Variants in FHOD3 observed in about 807,000 individuals in gnomAD.
FHOD3 encodes the protein formin homology 2 domain containing 3, also known as FH1/FH2 domain-containing protein 3.
In FHOD3, 90 loss-of-function variants were observed where a neutral mutation model predicts 173.0. The ratio of observed to expected loss-of-function variants is 0.52; its 90% CI spans 0.44 to 0.62. The LOEUF (loss-of-function observed/expected upper bound fraction) is 0.62. Among genes scored for constraint, FHOD3 ranks in the 20% least tolerant of loss-of-function variants. FHOD3 has a pLI of 0.00. For synonymous variants in FHOD3, 828 were observed against 823.0 expected, an observed-to-expected ratio of 1.01 and a Z score of -0.10; for missense variants, 1,945 against 2,034.7, an observed-to-expected ratio of 0.96 and a Z score of 0.85.
intron 1 of FHOD3, among the ~76,000 whole-genome samples, chr18:36,303,986 G>C (rs2092024357): frequency 6.6e-6 from 1 of 152,144 alleles, no homozygotes; most frequent in African/African-American, 2.4e-5. Flanking sequence ...AATCCAGATT[G>C]TGAGAAATTA....
intron 5 of FHOD3, among the ~76,000 whole-genome samples, chr18:36,539,895 A>G (rs2147075357): frequency 6.6e-6 from 1 of 152,310 alleles, no homozygotes; most frequent in East Asian, 1.9e-4. Flanking sequence ...ATAGGGGAGT[A>G]GCTTGAGGAA....
chr18:36,720,145 T>A (rs935124428), intron 19 of FHOD3, among the ~76,000 whole-genome samples: 3 of 151,924 alleles, frequency 2.0e-5, no homozygotes, highest in African/African-American at 7.3e-5. Flanking sequence ...AAGAAAGGGT[T>A]GCCAGACACC....
intron 3 of FHOD3, among the ~76,000 whole-genome samples, chr18:36,489,006 C>T (rs1207763273): frequency 6.6e-6 from 1 of 152,158 alleles, no homozygotes; most frequent in Non-Finnish European, 1.5e-5. Flanking sequence ...CAGAGGCCAA[C>T]ACTAGGTCAG....
intron 17 of FHOD3, 136 bp from the exon 18 acceptor site, chr18:36,708,959 C>A: frequency 9.4e-7 from 1 of 1,065,078 alleles, no homozygotes; most frequent in Non-Finnish European, 1.4e-6. Flanking sequence ...TTTGAATAAC[C>A]AGGGCATAGG....
intron 1 of FHOD3, among the ~76,000 whole-genome samples, chr18:36,340,289 G>A (rs1015364045): frequency 3.9e-5 from 6 of 152,210 alleles, no homozygotes; most frequent in Non-Finnish European, 8.8e-5. Flanking sequence ...TAGCCACCTA[G>A]GAGTGATTTG....
intron 3 of FHOD3, among the ~76,000 whole-genome samples, chr18:36,424,798 G>A (rs926552640): frequency 2.6e-5 from 4 of 152,176 alleles, no homozygotes; most frequent in Admixed American, 6.5e-5. Flanking sequence ...GTTCTGAGTA[G>A]CATGATGAAA....
At chr18:36,589,698 G>A (rs935720834) in intron 6 of FHOD3, among the ~76,000 whole-genome samples, 1 of 152,184 alleles carries the variant, frequency 6.6e-6, no homozygotes, top group Non-Finnish European at 1.5e-5. Context: ...AAGTGGCCGT[G>A]CAGAGCCTCC....
chr18:36,451,137 A>G (rs2144300859), intron 3 of FHOD3, among the ~76,000 whole-genome samples: 1 of 152,354 alleles, frequency 6.6e-6, no homozygotes, highest in Non-Finnish European at 1.5e-5. Context: ...TTACTCCCAG[A>G]GAAAATAGAT....
chr18:36,366,341 G>T (rs1033327989), intron 2 of FHOD3, among the ~76,000 whole-genome samples: 8 of 152,090 alleles, frequency 5.3e-5, no homozygotes, highest in African/African-American at 1.9e-4. Flanking sequence ...CAGACATTAA[G>T]ACAAATGGAA....
chr18:36,712,318 G>A (rs76212203), intron 18 of FHOD3, among the ~76,000 whole-genome samples: 3,356 of 152,292 alleles, frequency 0.022, 72 homozygotes, highest in East Asian at 0.077. Context: ...ATTATGTGAC[G>A]GGGATTTTGA....
At chr18:36,665,889 G>A (rs1335685303) in intron 14 of FHOD3, among the ~76,000 whole-genome samples, 1 of 152,218 alleles carries the variant, frequency 6.6e-6, no homozygotes, top group Non-Finnish European at 1.5e-5. Flanking sequence ...AAGCCAAACA[G>A]GTGGACTTGG....
At chr18:36,709,546 G>A in intron 18 of FHOD3, 155 bp downstream of exon 18, 1 of 810,286 alleles carries the variant, frequency 1.2e-6, no homozygotes, top group South Asian at 1.9e-5. Flanking sequence ...GACAAGGAGT[G>A]TGGCCACGCT....
intron 16 of FHOD3, among the ~76,000 whole-genome samples, chr18:36,688,068 G>A (rs989120579): frequency 2.6e-5 from 4 of 152,256 alleles, no homozygotes; most frequent in Non-Finnish European, 5.9e-5. Context: ...TATTTCAATG[G>A]CAACATGCTT....
chr18:36,629,840 G>A (rs1296562550), intron 10 of FHOD3, among the ~76,000 whole-genome samples: 3 of 152,024 alleles, frequency 2.0e-5, no homozygotes, highest in Non-Finnish European at 2.9e-5. Flanking sequence ...TGGTCCCTTC[G>A]GGCAGTGGTT....
intron 28 of FHOD3, among the ~76,000 whole-genome samples, chr18:36,771,268 C>T (rs945146306): frequency 1.1e-4 from 16 of 152,080 alleles, no homozygotes; most frequent in South Asian, 2.1e-4. Context: ...TGGACAGCAC[C>T]GGGGCATGAG....
chr18:36,739,809 C>T (rs1161125281), intron 20 of FHOD3, among the ~76,000 whole-genome samples: 3 of 152,164 alleles, frequency 2.0e-5, no homozygotes, highest in Admixed American at 6.5e-5. Flanking sequence ...GACCCTATAT[C>T]ATACAACATT....
chr18:36,366,489 A>G (rs8182433), intron 2 of FHOD3, among the ~76,000 whole-genome samples: 56,883 of 152,084 alleles, frequency 0.37, 11,330 homozygotes, highest in East Asian at 0.67. Context: ...CCCTCAGGAG[A>G]AGGTAGACAT....
intron 10 of FHOD3, among the ~76,000 whole-genome samples, chr18:36,629,643 T>G (rs1168015369): frequency 6.6e-6 from 1 of 152,162 alleles, no homozygotes; most frequent in South Asian, 2.1e-4. Context: ...AAAGGAATAT[T>G]CCATGAAGAG....
chr18:36,540,735 G>T (rs551187351), intron 5 of FHOD3, among the ~76,000 whole-genome samples: 19 of 152,130 alleles, frequency 1.2e-4, no homozygotes, highest in Non-Finnish European at 2.5e-4. Flanking sequence ...GAAGGTGGAA[G>T]TCCCTTATAC....
Sources: allele counts gnomAD v4.1 joint callset (sites outside exome capture counted in the v4.1 genomes callset), GRCh38; gene constraint gnomAD v4.1.1; transcripts MANE v1.5; gene names NCBI Gene and HGNC (gene_info 2026-07-23, HGNC 2026-07-21).